Variants in SREBF2 observed in about 807,000 individuals in gnomAD.
SREBF2 encodes the protein sterol regulatory element-binding protein 2.
In SREBF2, 55 loss-of-function variants were observed where a neutral mutation model predicts 113.1. The observed-to-expected ratio is 0.49, with a 90% CI of 0.39 to 0.61. The LOEUF is 0.61. SREBF2 is among the 20% of genes least tolerant of loss of function. The probability of loss-of-function intolerance (pLI) is 0.00; values close to 1 mark genes in which losing one functional copy is unlikely to be tolerated. For missense variants in SREBF2, 1,349 were observed against 1,487.4 expected (o/e 0.91, Z 1.53); for synonymous variants, 593 against 605.7 (o/e 0.98, Z 0.31).
At chr22:41,854,966 G>A (rs962516591) in intron 1 of SREBF2, among the ~76,000 whole-genome samples, 8 of 150,526 alleles carry the variant, frequency 5.3e-5, no homozygotes, top group Non-Finnish European at 1.0e-4. Context: ...AGGTTCAAGC[G>A]ATCCTCCCAT....
Position 41,884,827 on chromosome 22 carries a change from T to C in SREBF2, c.2039-15T>C. On this transcript the variant is annotated splice_polypyrimidine_tract_variant and intron_variant, in intron 10 of 18. Transcript: ENST00000361204. The stretch of plus-strand genomic sequence containing the variant: ...GGGCTCCATCAACAATAGTGTCTGT[T>C]TCTGCCCACCCTAGGGAAGCTTCCT... The C allele has an allele frequency of 1.9e-6, 3 of 1,614,110 alleles. No individual in the cohort carries two copies. Among genetic ancestry groups the C allele is most frequent in the South Asian group, 2.2e-5 (2 of 91,078 alleles).
Position 41,875,678 on chromosome 22 carries a change from A to C in SREBF2, c.1340A>C (p.Tyr447Ser), listed in dbSNP as rs764696788. 5 of 1,613,642 alleles carry C rather than the reference A, an allele frequency of 3.1e-6. No individual in the cohort carries two copies. The highest frequency in any genetic ancestry group is 3.4e-6 in the Non-Finnish European group (4 of 1,179,912). Residue 447 changes from tyrosine (Y) to serine (S), a missense_variant, in exon 7 of 19, where the codon TAC becomes TCC. Physicochemically the swap from Tyr to Ser is moderately radical, Grantham distance 144 (BLOSUM62 -2). Coordinates refer to ENST00000361204, the MANE Select transcript of SREBF2 (RefSeq NM_004599.4). ...DSGSQAGFSP[Y>S]SIDSEPGSPL... Reference sequence around the variant, plus strand: ...GGGTCCCAGGCTGGCTTCTCTCCCTACTCCATTGACTCTGAGCCAGGAAGC... The same window carrying C: ...GGGTCCCAGGCTGGCTTCTCTCCCTCCTCCATTGACTCTGAGCCAGGAAGC...
intron 12 of SREBF2, 124 bp downstream of exon 12, chr22:41,893,409 T>G: frequency 1.0e-6 from 1 of 963,978 alleles, no homozygotes; most frequent in South Asian, 1.4e-5. Context: ...TCCGTTTGTT[T>G]GTTTGTTTGT....
At chr22:41,861,471 G>A (rs2077026826) in intron 1 of SREBF2, among the ~76,000 whole-genome samples, 1 of 151,606 alleles carries the variant, frequency 6.6e-6, no homozygotes, top group Non-Finnish European at 1.5e-5. Context: ...ACTCTAGCCT[G>A]GGCAACTGAG....
intron 1 of SREBF2, among the ~76,000 whole-genome samples, chr22:41,848,949 T>C (rs976242444): frequency 6.6e-6 from 1 of 152,104 alleles, no homozygotes; most frequent in Non-Finnish European, 1.5e-5. Flanking sequence ...TGTGTGAAAG[T>C]AGAAGTGTTA....
chr22:41,884,134 T>G (rs963588968), intron 10 of SREBF2, among the ~76,000 whole-genome samples: 9 of 149,376 alleles, frequency 6.0e-5, no homozygotes, highest in East Asian at 1.9e-4. Flanking sequence ...TGAAGGCGGG[T>G]TTTTTTTTGG....
rs1456350897 is a variant in SREBF2 at position 41,868,675 on chromosome 22, G to T, written c.603G>T (p.Gln201His). 6.2e-7 allele frequency: 1 copy of T among 1,614,226 alleles called. No homozygotes were observed. Among genetic ancestry groups the T allele is most frequent in the Non-Finnish European group, 8.5e-7 (1 of 1,180,042 alleles). Residue 201 changes from glutamine (Q) to histidine (H), a missense_variant, in exon 3 of 19, where the codon CAG becomes CAT. Physicochemically the swap from Gln to His is conservative, Grantham distance 24 (BLOSUM62 0). Transcript: ENST00000361204. The part of the protein sequence containing the change: ...SSQVQPVTIQ[Q>H]QVQTVQAQRV... ...AGGTACAGCCGGTCACCATTCAGCA[G>T]CAGGTGCAGACAGTACAGGCCCAGC...
rs73885839 is a variant in SREBF2 at position 41,844,625 on chromosome 22, G to A, written c.88+11267G>A. 7.2e-3 allele frequency among the ~76,000 whole-genome samples: 1,095 copies of A among 152,254 alleles called. 17 individuals carry two copies. Among genetic ancestry groups the A allele is most frequent in the African/African-American group, 0.025 (1,048 of 41,542 alleles). The stretch of plus-strand genomic sequence containing the variant: ...CTGCATATCTCAGGCCTTGAGAATT[G>A]CTAATGGATATGTATCTAAATGTCC... On this transcript the variant is annotated intron_variant, in intron 1 of 18. Transcript: ENST00000361204.
At chr22:41,895,019 G>A (rs1042689720) in intron 13 of SREBF2, 82 bp downstream of exon 13, 94 of 1,088,316 alleles carry the variant, frequency 8.6e-5, no homozygotes, top group Non-Finnish European at 2.1e-5. Context: ...CTGCACTCCT[G>A]GAGGGAAACA....
chr22:41,853,981 G>A (rs2076954867), intron 1 of SREBF2, among the ~76,000 whole-genome samples: 1 of 149,746 alleles, frequency 6.7e-6, no homozygotes, highest in Non-Finnish European at 1.5e-5. Flanking sequence ...CTTGCAGTGA[G>A]CTGAGATCAC....
chr22:41,894,087 T>C (rs902280429), intron 12 of SREBF2, among the ~76,000 whole-genome samples: 4 of 152,170 alleles, frequency 2.6e-5, no homozygotes, highest in African/African-American at 9.7e-5. Flanking sequence ...CAATCCTAAA[T>C]CTTTCTACCC....
chr22:41,884,822 T>C lies in SREBF2; in HGVS notation c.2039-20T>C, dbSNP rs368644194. 41 of 1,613,930 alleles carry C rather than the reference T, an allele frequency of 2.5e-5. No individual in the cohort carries two copies. Among genetic ancestry groups the C allele is most frequent in the Non-Finnish European group, 3.3e-5 (39 of 1,180,010 alleles). On this transcript the variant is annotated intron_variant, in intron 10 of 18. Coordinates refer to ENST00000361204, the MANE Select transcript of SREBF2 (RefSeq NM_004599.4). ...TTTTGGGGCTCCATCAACAATAGTG[T>C]CTGTTTCTGCCCACCCTAGGGAAGC...
chr22:41,853,223 C>T (rs2148356697), intron 1 of SREBF2, among the ~76,000 whole-genome samples: 1 of 152,270 alleles, frequency 6.6e-6, no homozygotes, highest in Admixed American at 6.5e-5. Flanking sequence ...ATTTCACCAC[C>T]ATGAGTTGTA....
chr22:41,835,349 T>C (rs1405949157), intron 1 of SREBF2, among the ~76,000 whole-genome samples: 1 of 150,466 alleles, frequency 6.6e-6, no homozygotes, highest in Non-Finnish European at 1.5e-5. Flanking sequence ...TCGCTATTGT[T>C]GCCCAGGCTG....
intron 1 of SREBF2, among the ~76,000 whole-genome samples, chr22:41,863,247 C>T (rs976412336): frequency 2.0e-5 from 3 of 152,254 alleles, no homozygotes; most frequent in African/African-American, 7.2e-5. Flanking sequence ...TGCCCACGCT[C>T]ACACCACTGA....
chr22:41,874,153 G>A, intron 5 of SREBF2, 134 bp downstream of exon 5: 1 of 850,618 alleles, frequency 1.2e-6, no homozygotes, highest in South Asian at 1.5e-5. Context: ...TTTTATTAAA[G>A]CATCTTGGTG....
At chr22:41,860,349 A>G (rs899222919) in intron 1 of SREBF2, among the ~76,000 whole-genome samples, 6 of 149,838 alleles carry the variant, frequency 4.0e-5, no homozygotes, top group Admixed American at 2.7e-4. Flanking sequence ...GGGACTTTAG[A>G]AAAAAAAAAG....
intron 1 of SREBF2, among the ~76,000 whole-genome samples, chr22:41,847,822 G>A (rs1374206277): frequency 2.6e-5 from 4 of 151,982 alleles, no homozygotes; most frequent in Non-Finnish European, 4.4e-5. Flanking sequence ...GTTAATTCCT[G>A]TACTTTTTAA....
At chr22:41,900,181 G>A in intron 15 of SREBF2, 149 bp from the exon 16 acceptor site, 1 of 1,518,638 alleles carries the variant, frequency 6.6e-7, no homozygotes, top group Non-Finnish European at 8.8e-7. Context: ...TCTGGAGCTG[G>A]TGGCATGGTG....
Sources: allele counts gnomAD v4.1 joint callset (sites outside exome capture counted in the v4.1 genomes callset), GRCh38; gene constraint gnomAD v4.1.1; transcripts MANE v1.5; gene names NCBI Gene and HGNC (gene_info 2026-07-23, HGNC 2026-07-21).